CEP97: variants seen among roughly 807,000 people sequenced by gnomAD.
CEP97 encodes the protein centrosomal protein 97.
CEP97 carries 43 observed loss-of-function variants against 73.1 expected under a neutral mutation model. The ratio of observed to expected loss-of-function variants is 0.59; its 90% CI spans 0.46 to 0.76. CEP97 has a LOEUF of 0.76. Among genes scored for constraint, CEP97 ranks in the 30% least tolerant of loss-of-function variants. The pLI is 0.00. For synonymous variants in CEP97, 337 were observed against 370.0 expected (o/e 0.91, Z 1.02); for missense variants, 939 against 1,014.0 (o/e 0.93, Z 1.00).
At chr3:101,763,999 C>T (rs754952963) in intron 10 of CEP97, among the ~76,000 whole-genome samples, 1 of 152,148 alleles carries the variant, frequency 6.6e-6, no homozygotes, top group Admixed American at 6.5e-5. Context: ...TTGCTTTGGC[C>T]CATTCCCACT....
chr3:101,741,037 C>T (rs1938436965), intron 6 of CEP97, among the ~76,000 whole-genome samples: 1 of 150,922 alleles, frequency 6.6e-6, no homozygotes, highest in South Asian at 2.1e-4. Context: ...TACAAGGCTA[C>T]AGTAACCAAA....
chr3:101,757,068 A>G lies in CEP97; in HGVS notation c.899A>G (p.His300Arg). The G allele has an allele frequency of 6.2e-7, 1 of 1,606,434 alleles. No individual in the cohort carries two copies. Among genetic ancestry groups the G allele is most frequent in the Non-Finnish European group, 8.5e-7 (1 of 1,177,852 alleles). ...CAGGTATTATTGATTTTTAGGTTTCACCAGAGGCAGTTGATGAACCAAAGC... is the reference window on the plus strand; with the variant it reads ...CAGGTATTATTGATTTTTAGGTTTCGCCAGAGGCAGTTGATGAACCAAAGC... ...LEKILSKQRF[H>R]QRQLMNQSQN... Residue 300 changes from histidine to arginine, a missense_variant, in exon 8 of 11, where the codon CAC becomes CGC. Physicochemically the swap from His to Arg is conservative, Grantham distance 29 (BLOSUM62 0). Transcript: ENST00000341893.
At chr3:101,762,959 C>T (rs1217396140) in intron 10 of CEP97, 1 of 584,602 alleles carries the variant, frequency 1.7e-6, no homozygotes, top group Non-Finnish European at 2.4e-6. Context: ...GTATTCATAA[C>T]TGTATAGGAG....
Position 101,757,728 on chromosome 3 carries a change from T to G in CEP97, c.1122T>G (p.Thr374=), listed in dbSNP as rs1266234774. The G allele has an allele frequency of 3.1e-6, 5 of 1,614,130 alleles. No homozygotes were observed. The African/African-American group carries it at 6.7e-5, about 22-fold the overall frequency. Residue 374 remains threonine (T), a synonymous_variant, in exon 9 of 11, where the codon ACT becomes ACG. Transcript: ENST00000341893. ...ATAATTTTCCAGCCTCTGTACACAC[T>G]ACGAGATATTCTCGAAATGATCTGC... ...VKNNFPASVH[T]TRYSRNDLHL...
At position 101,727,445 on chromosome 3, in the gene CEP97, T is replaced by C. The variant is rs536511998; in HGVS notation, c.249T>C (p.Arg83=). The change falls in exon 3 of 11, where the codon CGT becomes CGC. Residue 83 remains arginine (R), a synonymous_variant. Coordinates refer to ENST00000341893, the MANE Select transcript of CEP97 (RefSeq NM_024548.4). ...GTGTGGCCAAGCTGACGTTGCTTCG[T>C]GTATTAAATTTGCCTCATAATAGCA... ...MMGVAKLTLL[R]VLNLPHNSIG... is the part of the protein sequence containing the mutation. 12 of 1,614,032 alleles carry C rather than the reference T, an allele frequency of 7.4e-6. No individual in the cohort carries two copies. In the African/African-American group the frequency reaches 1.3e-4, roughly 18 times the overall value.
Position 101,757,184 on chromosome 3 carries a change from T to C in CEP97, c.1015T>C (p.Ser339Pro), listed in dbSNP as rs928240470. 6.2e-7 allele frequency: 1 copy of C among 1,604,284 alleles called. No individual in the cohort carries two copies. Among genetic ancestry groups the C allele is most frequent in the East Asian group, 2.2e-5 (1 of 44,518 alleles). ...HSSPVQDCQI[S>P]QESEPVIQVN... ...AAGCCCTGTTCAAGATTGCCAGATA[T>C]CCCAGGAAAGTGGTAAGAAATGAAT... is the stretch of plus-strand genomic sequence containing the variant. Residue 339 changes from serine (S) to proline (P), a missense_variant, in exon 8 of 11, where the codon TCC (serine) becomes CCC (proline). Coordinates refer to ENST00000341893, the MANE Select transcript of CEP97 (RefSeq NM_024548.4).
At position 101,757,121 on chromosome 3, in the gene CEP97, C is replaced by G; in HGVS notation, c.952C>G (p.Pro318Ala). 1.2e-6 allele frequency: 2 copies of G among 1,613,110 alleles called. No homozygotes were observed. The highest frequency in any genetic ancestry group is 1.7e-5 in the Admixed American group (1 of 59,864). Reference protein sequence around the residue: ...SQNEELSPLVPVETRASLIPE... With the variant: ...SQNEELSPLVAVETRASLIPE... ...AAATGAAGAGTTGTCTCCTCTTGTT[C>G]CTGTTGAAACAAGGGCATCCCTTAT... The change falls in exon 8 of 11, where the codon CCT becomes GCT. Residue 318 changes from proline (P) to alanine (A), a missense_variant. By Grantham distance (27) the Pro-to-Ala change is conservative. Coordinates refer to ENST00000341893, the MANE Select transcript of CEP97 (RefSeq NM_024548.4).
Position 101,764,967 on chromosome 3 carries a change from C to T in CEP97, c.2014C>T (p.Gln672Ter), listed in dbSNP as rs961203878. The T allele has an allele frequency of 9.3e-6, 15 of 1,614,028 alleles. No homozygotes were observed. Among genetic ancestry groups the T allele is most frequent in the Non-Finnish European group, 1.3e-5 (15 of 1,180,040 alleles). The change falls in exon 11 of 11, where the codon CAG (glutamine) becomes TAG (stop). Residue 672 changes from glutamine (Q) to a stop codon, truncating the protein, a stop_gained. Coordinates refer to ENST00000341893, the MANE Select transcript of CEP97 (RefSeq NM_024548.4). LOFTEE classifies it low-confidence loss of function (END_TRUNC). Reference sequence around the variant, plus strand: ...GAAACATCCATTATTTACCCAAAGCCAGGAGTCCTCTTGTGATCAAAATGC... The same window carrying T: ...GAAACATCCATTATTTACCCAAAGCTAGGAGTCCTCTTGTGATCAAAATGC... ...PSKHPLFTQSQESSCDQNADW... is the reference protein window; with the variant it reads ...PSKHPLFTQS
intron 10 of CEP97, 100 bp from the exon 11 acceptor site, chr3:101,764,747 C>A: frequency 9.9e-7 from 1 of 1,005,800 alleles, no homozygotes. Context: ...TGTGCTGCTG[C>A]ACTCCAGCCT....
Position 101,727,510 on chromosome 3 carries a change from A to G in CEP97, c.314A>G (p.Glu105Gly). ...VEGLKELVHL[E>G]WLNLAGNNLK... ...GGGCTAAAGGAACTAGTACATCTGG[A>G]ATGGCTGAATTTGGCAGGAAATAAT... The change falls in exon 3 of 11, where the codon GAA becomes GGA. Residue 105 changes from glutamate to glycine, a missense_variant. Coordinates refer to ENST00000341893, the MANE Select transcript of CEP97 (RefSeq NM_024548.4). 6.2e-7 allele frequency: 1 copy of G among 1,611,798 alleles called. No homozygotes were observed. The highest frequency in any genetic ancestry group is 2.2e-5 in the East Asian group (1 of 44,820).
At chr3:101,742,047 A>C (rs13091106) in intron 6 of CEP97, among the ~76,000 whole-genome samples, 142 of 138,874 alleles carry the variant, frequency 1.0e-3, no homozygotes, top group Admixed American at 2.1e-3. Flanking sequence ...GTCTCAAAAA[A>C]AAAAAAACAA....
In CEP97 at chr3:101,766,377, A is replaced by G. The variant is rs1450592688; in HGVS notation, c.*826A>G. ...CCCTATAGGTAAGCATTTTTGTGCC[A>G]ACATGTTGTCAGAAATTAATGTATG... On this transcript the variant is annotated 3_prime_UTR_variant, in exon 11 of 11. Coordinates refer to ENST00000341893, the MANE Select transcript of CEP97 (RefSeq NM_024548.4). The G allele has an allele frequency of 6.6e-6, 1 of 152,604 alleles. No individual in the cohort carries two copies. Among genetic ancestry groups the G allele is most frequent in the Non-Finnish European group, 1.5e-5 (1 of 68,030 alleles). The allele number at this position is 152,604 out of a possible 1,614,324, so 9.5% of individuals were successfully genotyped here.
At position 101,757,855 on chromosome 3, in the gene CEP97, C is replaced by T. The variant is rs374370393; in HGVS notation, c.1249C>T (p.Pro417Ser). Reference sequence around the variant, plus strand: ...TGCATCAGGACTGTCTCCACTATCACCTACAGTTGAGCTGAGGCTGCAGGG... The same window carrying T: ...TGCATCAGGACTGTCTCCACTATCATCTACAGTTGAGCTGAGGCTGCAGGG... The part of the protein sequence containing the change: ...PVASGLSPLS[P>S]TVELRLQGIN... Residue 417 changes from proline (P) to serine (S), a missense_variant, in exon 9 of 11, where the codon CCT (proline) becomes TCT (serine). By Grantham distance (74) the Pro-to-Ser change is moderately conservative. Coordinates refer to ENST00000341893, the MANE Select transcript of CEP97 (RefSeq NM_024548.4). 91 of 1,614,124 alleles carry T rather than the reference C, an allele frequency of 5.6e-5. No individual in the cohort carries two copies. Among genetic ancestry groups the T allele is most frequent in the Non-Finnish European group, 7.0e-5 (83 of 1,180,056 alleles).
At chr3:101,734,716 A>G (rs977325702) in intron 6 of CEP97, among the ~76,000 whole-genome samples, 9 of 152,122 alleles carry the variant, frequency 5.9e-5, no homozygotes, top group Non-Finnish European at 1.3e-4. Flanking sequence ...TTTTGTTTCA[A>G]ACTGTGACTA....
rs138259994 is a variant in CEP97, at chr3:101,729,653, G to A, written c.447+716G>A. 3.6e-4 allele frequency among the ~76,000 whole-genome samples: 55 copies of A among 151,870 alleles called. 1 individual carries two copies. Among genetic ancestry groups the A allele is most frequent in the African/African-American group, 1.2e-3 (51 of 41,448 alleles). On this transcript the variant is annotated intron_variant, in intron 4 of 10. Transcript: ENST00000341893. ...AGAGTGTAGTAGTACAATCTCACTC[G>A]ACCTCCCAGGCTCAAGTGATCCTCT...
chr3:101,764,732 A>G, intron 10 of CEP97, 115 bp from the exon 11 acceptor site: 1 of 846,612 alleles, frequency 1.2e-6, no homozygotes. Context: ...GCAGTGAGCC[A>G]TGATTGTGCT....
At chr3:101,729,755 A>G (rs1452742453) in intron 4 of CEP97, among the ~76,000 whole-genome samples, 1 of 151,888 alleles carries the variant, frequency 6.6e-6, no homozygotes, top group Admixed American at 6.6e-5. Flanking sequence ...GAGTGTTTGT[A>G]GAGATGAGAT....
At chr3:101,754,005 T>A (rs1938932033) in intron 6 of CEP97, among the ~76,000 whole-genome samples, 1 of 150,612 alleles carries the variant, frequency 6.6e-6, no homozygotes, top group Admixed American at 6.6e-5. Context: ...TCGCTCATGC[T>A]GGGAGCTGTA....
At chr3:101,757,544 ACTC>A (rs1939044426) in intron 8 of CEP97, 87 bp from the exon 9 acceptor site, 2 of 1,265,624 alleles carry the variant, frequency 1.6e-6, no homozygotes, top group South Asian at 3.1e-5. Flanking sequence ...TTTGCATTTT[ACTC>A]TATTTCAAGG....
Sources: allele counts gnomAD v4.1 joint callset (sites outside exome capture counted in the v4.1 genomes callset), GRCh38; gene constraint gnomAD v4.1.1; transcripts MANE v1.5; gene names NCBI Gene and HGNC (gene_info 2026-07-23, HGNC 2026-07-21).